The following MBNL3 variants were observed in gnomAD, a reference collection of about 807,000 sequenced individuals.
The protein encoded by MBNL3 is muscleblind-like protein 3.
MBNL3 carries 6 observed loss-of-function variants against 24.5 expected under a neutral mutation model. The observed-to-expected ratio is 0.25, with a 90% CI of 0.13 to 0.48. MBNL3 has a LOEUF of 0.48. Ranked by LOEUF, MBNL3 falls within the 20% of genes least tolerant of loss-of-function variation. MBNL3 has a pLI of 0.99. For synonymous variants in MBNL3, 100 were observed against 101.7 expected, an observed-to-expected ratio of 0.98 and a Z score of 0.10; for missense variants, 230 against 293.5, an observed-to-expected ratio of 0.78 and a Z score of 1.58.
At chrX:132,381,614 C>T (rs1159377010) in intron 8 of MBNL3, among the ~76,000 whole-genome samples, 1 of 111,565 alleles carries the variant, frequency 9.0e-6, no homozygotes, top group Non-Finnish European at 1.9e-5. Context: ...TCCCCCCAAA[C>T]TTATAATCTG....
chrX:132,458,026 T>G (rs919789245), intron 1 of MBNL3, among the ~76,000 whole-genome samples: 1 of 111,544 alleles, frequency 9.0e-6, no homozygotes, highest in Non-Finnish European at 1.9e-5. Context: ...GGCAGGTAAA[T>G]GTAGGCCTCT....
At chrX:132,445,863 G>T (rs1420579298) in intron 1 of MBNL3, among the ~76,000 whole-genome samples, 1 of 111,062 alleles carries the variant, frequency 9.0e-6, no homozygotes, top group Non-Finnish European at 1.9e-5. Context: ...TGTTACATAG[G>T]TATACACGTG....
intron 3 of MBNL3, among the ~76,000 whole-genome samples, chrX:132,403,457 T>C (rs1169817089): frequency 1.8e-5 from 2 of 111,951 alleles, no homozygotes; most frequent in Admixed American, 1.9e-4. Context: ...TTCTATAAAA[T>C]AAATTGTACT....
chrX:132,442,188 T>C (rs149776787), intron 1 of MBNL3, among the ~76,000 whole-genome samples: 1,574 of 111,692 alleles, frequency 0.014, 21 homozygotes, highest in African/African-American at 0.048. Context: ...GATGATTGCA[T>C]GATTTTTGAA....
At chrX:132,425,327 T>C (rs893075569) in intron 2 of MBNL3, among the ~76,000 whole-genome samples, 1 of 112,017 alleles carries the variant, frequency 8.9e-6, no homozygotes, top group Non-Finnish European at 1.9e-5. Context: ...AACTCCAAGA[T>C]ATAGTACATA....
chrX:132,462,136 A>G (rs1032807053), intron 1 of MBNL3, among the ~76,000 whole-genome samples: 1 of 111,984 alleles, frequency 8.9e-6, no homozygotes, highest in Non-Finnish European at 1.9e-5. Flanking sequence ...CTCAGTTCTG[A>G]TAACTGGAGT....
chrX:132,478,041 T>A (rs777653590), intron 1 of MBNL3, among the ~76,000 whole-genome samples: 2 of 112,006 alleles, frequency 1.8e-5, no homozygotes, highest in East Asian at 5.6e-4. Flanking sequence ...CCATTTTTGA[T>A]TTATGAAAAT....
In MBNL3 at chrX:132,374,832, C is replaced by T. The variant is rs1164083802; in HGVS notation, c.*4834G>A. ...ATTAATCCTCATATAGCTATATTTG[C>T]TCATGTAATTCCAGAAAACAGAATT... On this transcript the variant is annotated 3_prime_UTR_variant, in exon 9 of 9. Transcript: ENST00000370853. 8.9e-6 allele frequency: 1 copy of T among 111,773 alleles called. No individual in the cohort carries two copies. The highest frequency in any genetic ancestry group is 3.2e-5 in the African/African-American group (1 of 30,819). 9.2% of individuals were successfully genotyped at this position (111,773 alleles called of 1,213,427 possible).
intron 2 of MBNL3, among the ~76,000 whole-genome samples, chrX:132,415,955 T>A (rs1943249414): frequency 9.0e-6 from 1 of 110,691 alleles, no homozygotes; most frequent in African/African-American, 3.3e-5. Flanking sequence ...GGTAAGAATG[T>A]AAATTAGCAC....
chrX:132,427,872 G>A (rs1944432468), intron 2 of MBNL3, among the ~76,000 whole-genome samples: 1 of 111,444 alleles, frequency 9.0e-6, no homozygotes, highest in South Asian at 3.8e-4. Flanking sequence ...ATATTTAATG[G>A]AATTAAAGGG....
In MBNL3 at chrX:132,476,344, G is replaced by A. The variant is rs181083521; in HGVS notation, c.-704+12507C>T. ...AGAGTGCTAATGGTTGCAATTCTTG[G>A]GAAGAAGGGGTTTCCCTCACTTACT... On this transcript the variant is annotated intron_variant, in intron 1 of 8. Transcript: ENST00000370853. 3.0e-4 allele frequency among the ~76,000 whole-genome samples: 33 copies of A among 111,699 alleles called. No homozygotes were observed. The East Asian group carries it at 8.2e-3, about 28-fold the overall frequency.
intron 2 of MBNL3, among the ~76,000 whole-genome samples, chrX:132,408,855 G>C (rs1221019279): frequency 8.9e-6 from 1 of 112,164 alleles, no homozygotes; most frequent in Non-Finnish European, 1.9e-5. Context: ...TTAGTTATGA[G>C]ATTTTACTTG....
At chrX:132,454,377 T>G (rs1215652734) in intron 1 of MBNL3, among the ~76,000 whole-genome samples, 1 of 111,882 alleles carries the variant, frequency 8.9e-6, no homozygotes, top group Non-Finnish European at 1.9e-5. Flanking sequence ...AGAGGTAAAC[T>G]AAGGTAGCAT....
intron 1 of MBNL3, among the ~76,000 whole-genome samples, chrX:132,473,117 A>G (rs73556190): frequency 6.9e-4 from 77 of 112,015 alleles, no homozygotes; most frequent in African/African-American, 2.4e-3. Context: ...TTCCTTTGCA[A>G]TCCTTCCAAT....
At chrX:132,465,676 A>G (rs1462157652) in intron 1 of MBNL3, among the ~76,000 whole-genome samples, 1 of 112,194 alleles carries the variant, frequency 8.9e-6, no homozygotes, top group Non-Finnish European at 1.9e-5. Context: ...CTCCAAATAC[A>G]AATGCATATT....
intron 3 of MBNL3, among the ~76,000 whole-genome samples, chrX:132,396,349 T>C (rs1603125527): frequency 1.2e-5 from 1 of 86,659 alleles, no homozygotes; most frequent in Non-Finnish European, 2.2e-5. Context: ...TATATTCATA[T>C]ATATATATTC....
Position 132,394,022 on chromosome X carries a change from A to G in MBNL3, c.343-1688T>C, listed in dbSNP as rs191598124. 1.2e-4 allele frequency among the ~76,000 whole-genome samples: 13 copies of G among 111,705 alleles called. No homozygotes were observed. In the East Asian group the frequency reaches 3.7e-3, roughly 32 times the overall value. ...CTCCCCCATTAGCATTCTACCTTAG[A>G]TGAGTTTATCAAATTAGCTGATTGG... On this transcript the variant is annotated intron_variant, in intron 3 of 8. Transcript: ENST00000370853.
At chrX:132,413,374 A>G in intron 2 of MBNL3, 6 of 639,699 alleles carry the variant, frequency 9.4e-6, no homozygotes, top group Non-Finnish European at 1.4e-5. Context: ...TAGTATAAGT[A>G]TGCCCCATAC....
intron 3 of MBNL3, among the ~76,000 whole-genome samples, chrX:132,401,547 G>A (rs1164280679): frequency 1.8e-5 from 2 of 108,275 alleles, no homozygotes; most frequent in Non-Finnish European, 3.8e-5. Context: ...CAAGTCTGCA[G>A]CTACATTGAG....
Sources: allele counts gnomAD v4.1 joint callset (sites outside exome capture counted in the v4.1 genomes callset), GRCh38; gene constraint gnomAD v4.1.1; transcripts MANE v1.5; gene names NCBI Gene and HGNC (gene_info 2026-07-23, HGNC 2026-07-21).